KMT2B: variants seen among roughly 807,000 people sequenced by gnomAD.
KMT2B encodes lysine methyltransferase 2B.
In KMT2B, 22 loss-of-function variants were observed where a neutral mutation model predicts 255.3. The ratio of observed to expected loss-of-function variants is 0.09; its 90% CI spans 0.06 to 0.12. The LOEUF is 0.12. Ranked by LOEUF, KMT2B falls within the 10% of genes least tolerant of loss-of-function variation. The pLI is 1.00. For synonymous variants in KMT2B, 1,730 were observed against 1,498.1 expected, an observed-to-expected ratio of 1.15 and a Z score of -3.57; for missense variants, 3,149 against 3,737.0, an observed-to-expected ratio of 0.84 and a Z score of 4.10.
At chr19:35,719,679 G>T (rs1260070224) in intron 2 of KMT2B, 105 bp from the exon 3 acceptor site, 1 of 1,519,264 alleles carries the variant, frequency 6.6e-7, no homozygotes. Flanking sequence ...AGTCTGGGCA[G>T]CGGGGGAAAC....
chr19:35,730,262 A>C, intron 23 of KMT2B, 80 bp from the exon 24 acceptor site: 1 of 1,599,670 alleles, frequency 6.3e-7, no homozygotes, highest in South Asian at 1.1e-5. Context: ...CTTTAGGCCA[A>C]GCCCCTGACT....
At position 35,733,329 on chromosome 19, in the gene KMT2B, G is replaced by A. The variant is rs1183244997; in HGVS notation, c.6780G>A (p.Leu2260=). The change falls in exon 28 of 37, where the codon CTG becomes CTA. Residue 2260 remains leucine (L), a synonymous_variant. Coordinates refer to ENST00000420124, the MANE Select transcript of KMT2B (RefSeq NM_014727.3). This position sits in a 1 kb window ranked among gnomAD's most constrained non-coding sequence, Gnocchi z 4.3. ...CCCCGCCCCCGCCACCCCCTCCCCT[G>A]ACGCTGGTGCTGAGCAGTGGGCCAG... ...RPAPPPPPPP[L]TLVLSSGPAS... 1.2e-5 allele frequency: 16 copies of A among 1,302,008 alleles called. No homozygotes were observed. The highest frequency in any genetic ancestry group is 1.7e-5 in the Non-Finnish European group (16 of 960,112). 80.7% of individuals were successfully genotyped at this position (1,302,008 alleles called of 1,614,324 possible).
chr19:35,724,048 G>A (rs1378639684), intron 8 of KMT2B, 41 bp downstream of exon 8: 7 of 1,525,584 alleles, frequency 4.6e-6, no homozygotes. Flanking sequence ...TCATTTATTT[G>A]GTCTTGTGTC....
At position 35,727,510 on chromosome 19, in the gene KMT2B, C is replaced by A. The variant is rs368960815; in HGVS notation, c.4190C>A (p.Ala1397Glu). Reference sequence around the variant, plus strand: ...ACCTGCGGACCGTGTGCTGGGGCAGCGCAGCCCCGCTGGCGAGAGGCCCTG... The same window carrying A: ...ACCTGCGGACCGTGTGCTGGGGCAGAGCAGCCCCGCTGGCGAGAGGCCCTG... ...LYTCGPCAGA[A>E]QPRWREALSG... Residue 1397 changes from alanine to glutamate, a missense_variant, in exon 16 of 37, where the codon GCG becomes GAG. Physicochemically the swap from Ala to Glu is moderately radical, Grantham distance 107. Coordinates refer to ENST00000420124, the MANE Select transcript of KMT2B (RefSeq NM_014727.3). This position sits in a 1 kb window ranked among gnomAD's most constrained non-coding sequence, Gnocchi z 4.2. 2 of 1,611,014 alleles carry A rather than the reference C, an allele frequency of 1.2e-6. No homozygotes were observed. Among genetic ancestry groups the A allele is most frequent in the Non-Finnish European group, 1.7e-6 (2 of 1,179,790 alleles).
chr19:35,731,019 G>A (rs914502868), intron 26 of KMT2B, among the ~76,000 whole-genome samples, 152 bp downstream of exon 26: 10 of 152,250 alleles, frequency 6.6e-5, no homozygotes, highest in African/African-American at 2.4e-4. Context: ...GCCATGCCTT[G>A]TGTGCCAGGG....
chr19:35,724,006 T>C lies in KMT2B; in HGVS notation c.3333T>C (p.Asn1111=). 2 of 1,579,520 alleles carry C rather than the reference T, an allele frequency of 1.3e-6. No individual in the cohort carries two copies. Among genetic ancestry groups the C allele is most frequent in the South Asian group, 1.1e-5 (1 of 89,878 alleles). ...CTCGGCGTCGGACCCCCCGAGAAAA[T>C]GGTGCGAACTGCTTAATGCTTTCTC... ...PAPRRRTPRE[N]ELPLPEPEEQ... The change falls in exon 8 of 37, where the codon AAT becomes AAC. Residue 1111 remains asparagine (N), a splice_region_variant and synonymous_variant. Coordinates refer to ENST00000420124, the MANE Select transcript of KMT2B (RefSeq NM_014727.3).
Position 35,720,967 on chromosome 19 carries a change from C to G in KMT2B, c.1620C>G (p.Ile540Met). The G allele has an allele frequency of 6.2e-7, 1 of 1,612,396 alleles. No homozygotes were observed. The highest frequency in any genetic ancestry group is 8.5e-7 in the Non-Finnish European group (1 of 1,179,400). Residue 540 changes from isoleucine to methionine, a missense_variant, in exon 3 of 37, where the codon ATC (isoleucine) becomes ATG (methionine). Ile to Met is a conservative substitution (Grantham distance 10). This residue lies in a region of KMT2B where 1,188 missense variants were observed against 1,106.4 expected (regional missense o/e 1.07). Coordinates refer to ENST00000420124, the MANE Select transcript of KMT2B (RefSeq NM_014727.3). The part of the protein sequence containing the change: ...PVVSARSSRV[I>M]KTPRRFMDED... ...TGAGTGCCCGCTCCTCCCGTGTCAT[C>G]AAGACACCCCGGCGATTTATGGATG...
In KMT2B at chr19:35,733,327, C is replaced by G; in HGVS notation, c.6778C>G (p.Leu2260Val). Residue 2260 changes from leucine to valine, a missense_variant, in exon 28 of 37, where the codon CTG becomes GTG. By Grantham distance (32) the Leu-to-Val change is conservative (BLOSUM62 1). Transcript: ENST00000420124. This position sits in a 1 kb window ranked among gnomAD's most constrained non-coding sequence, Gnocchi z 4.3. ...TGCCCCGCCCCCGCCACCCCCTCCC[C>G]TGACGCTGGTGCTGAGCAGTGGGCC... is the stretch of plus-strand genomic sequence containing the variant. ...RPAPPPPPPP[L>V]TLVLSSGPAS... The G allele has an allele frequency of 1.3e-6, 2 of 1,537,636 alleles. No individual in the cohort carries two copies. The highest frequency in any genetic ancestry group is 1.8e-6 in the Non-Finnish European group (2 of 1,137,716).
intron 31 of KMT2B, 29 bp downstream of exon 31, chr19:35,736,856 GGA>G (rs776195219): frequency 1.2e-6 from 2 of 1,613,936 alleles, no homozygotes; most frequent in South Asian, 1.1e-5. Context: ...GTGGCAGGAG[GGA>G]GAGTGTCCAT....
rs1287228118 is a variant in KMT2B at position 35,719,394 on chromosome 19, C to T, written c.364-75C>T. 6 of 1,091,400 alleles carry T rather than the reference C, an allele frequency of 5.5e-6. No homozygotes were observed. The Admixed American group carries it at 1.1e-4, about 21-fold the overall frequency. The allele number at this position is 1,091,400 out of a possible 1,614,324, so 67.6% of individuals were successfully genotyped here. A position where few individuals can be genotyped will look rare whatever the true frequency, so the allele number is the denominator to read the frequency against. On this transcript the variant is annotated intron_variant, in intron 1 of 36. Coordinates refer to ENST00000420124, the MANE Select transcript of KMT2B (RefSeq NM_014727.3). The stretch of plus-strand genomic sequence containing the variant: ...TGCTAAGTGGGAACTGGGGATATTC[C>T]TCGATACCTCAGATGGAACGAGGGC...
At position 35,732,689 on chromosome 19, in the gene KMT2B, T is replaced by C; in HGVS notation, c.6140T>C (p.Leu2047Pro). The C allele has an allele frequency of 6.2e-7, 1 of 1,609,050 alleles. No individual in the cohort carries two copies. Residue 2047 changes from leucine (L) to proline (P), a missense_variant, in exon 28 of 37, where the codon CTG (leucine) becomes CCG (proline). By Grantham distance (98) the Leu-to-Pro change is moderately conservative. Coordinates refer to ENST00000420124, the MANE Select transcript of KMT2B (RefSeq NM_014727.3). ...FPVTVVSAPG[L>P]APSATPGAPR... ...GTGACTGTGGTGTCCGCCCCTGGTC[T>C]GGCCCCCAGCGCTACCCCTGGAGCC...
At chr19:35,724,477 C>T (rs1969350506) in intron 8 of KMT2B, among the ~76,000 whole-genome samples, 160 bp from the exon 9 acceptor site, 1 of 152,152 alleles carries the variant, frequency 6.6e-6, no homozygotes. Flanking sequence ...CCAGTCTGGG[C>T]AACAGAGCGA....
Position 35,729,112 on chromosome 19 carries a change from C to T in KMT2B, c.4779+36C>T, listed in dbSNP as rs1417360501. The T allele has an allele frequency of 3.7e-6, 6 of 1,613,838 alleles. No individual in the cohort carries two copies. The South Asian group carries it at 4.4e-5, about 12-fold the overall frequency. On this transcript the variant is annotated intron_variant, in intron 21 of 36. Coordinates refer to ENST00000420124, the MANE Select transcript of KMT2B (RefSeq NM_014727.3). ...CTCTGTGACGCACCAGGTTGTGGGG[C>T]CTGTTCCCTGGCCTCCCCACATCAT...
rs1969116775 is a variant in KMT2B at position 35,719,979 on chromosome 19, G to T, written c.632G>T (p.Cys211Phe). The change falls in exon 3 of 37, where the codon TGT becomes TTT. Residue 211 changes from cysteine (C) to phenylalanine (F), a missense_variant. Transcript: ENST00000420124. ...CCCCAAGCACCCCGGAGCCGGGCAT[G>T]TGAGCCCTCCACCCCCCGGCGGTCT... Reference protein sequence around the residue: ...QAPQAPRSRACEPSTPRRSRG... With the variant: ...QAPQAPRSRAFEPSTPRRSRG... 1 of 1,613,310 alleles carries T rather than the reference G, an allele frequency of 6.2e-7. No individual in the cohort carries two copies. The highest frequency in any genetic ancestry group is 1.7e-5 in the Admixed American group (1 of 60,002).
chr19:35,719,653 G>C, intron 2 of KMT2B, 112 bp downstream of exon 2: 1 of 1,514,702 alleles, frequency 6.6e-7, no homozygotes, highest in South Asian at 1.2e-5. Context: ...TGTGTTCTGT[G>C]TTCAGAGTCC....
rs748073369 is a variant in KMT2B, at chr19:35,720,650, C to T, written c.1303C>T (p.Pro435Ser). ...CCCACTCTGCCCTCCACCACCACCC[C>T]CAGTGTCCCCACCACCTCTACCATC... is the stretch of plus-strand genomic sequence containing the variant. Reference protein sequence around the residue: ...PPPLCPPPPPPVSPPPLPSPP... With the variant: ...PPPLCPPPPPSVSPPPLPSPP... Residue 435 changes from proline (P) to serine (S), a missense_variant, in exon 3 of 37, where the codon CCA (proline) becomes TCA (serine). Physicochemically the swap from Pro to Ser is moderately conservative, Grantham distance 74. Coordinates refer to ENST00000420124, the MANE Select transcript of KMT2B (RefSeq NM_014727.3). 6.8e-7 allele frequency: 1 copy of T among 1,474,038 alleles called. No individual in the cohort carries two copies. Among genetic ancestry groups the T allele is most frequent in the Admixed American group, 2.5e-5 (1 of 40,264 alleles). The allele number at this position is 1,474,038 out of a possible 1,614,324, so 91.3% of individuals were successfully genotyped here.
At chr19:35,719,741 A>G in intron 2 of KMT2B, 43 bp from the exon 3 acceptor site, 7 of 1,543,534 alleles carry the variant, frequency 4.5e-6, no homozygotes, top group Non-Finnish European at 6.1e-6. Flanking sequence ...CTCTGTGTGT[A>G]GGGCTGGCTT....
rs879164926 is a variant in KMT2B at position 35,733,232 on chromosome 19, C to A, written c.6683C>A (p.Ala2228Asp). 25 of 1,481,578 alleles carry A rather than the reference C, an allele frequency of 1.7e-5. No individual in the cohort carries two copies. In the South Asian group the frequency reaches 2.0e-4, roughly 12 times the overall value. 91.8% of individuals were successfully genotyped at this position (1,481,578 alleles called of 1,614,324 possible). The change falls in exon 28 of 37, where the codon GCT (alanine) becomes GAT (aspartate). Residue 2228 changes from alanine to aspartate, a missense_variant. Ala to Asp is a moderately radical substitution (Grantham distance 126, BLOSUM62 -2). Around this residue, in one of 18 missense-constraint regions of KMT2B, gnomAD observed 897 missense variants for 825.3 expected, o/e 1.09. Coordinates refer to ENST00000420124, the MANE Select transcript of KMT2B (RefSeq NM_014727.3). This position sits in a 1 kb window ranked among gnomAD's most constrained non-coding sequence, Gnocchi z 4.3. The part of the protein sequence containing the change: ...PPLPPTISPT[A>D]PTSWTLPPGP... Reference sequence around the variant, plus strand: ...TTGCCCCCCACCATTTCCCCCACGGCTCCCACCTCCTGGACTCTGCCCCCA... The same window carrying A: ...TTGCCCCCCACCATTTCCCCCACGGATCCCACCTCCTGGACTCTGCCCCCA...
Position 35,737,468 on chromosome 19 carries a change from GC to G in KMT2B, c.7551-165del. ...AGGCCGAGGCAGGAGGATCGCATGA[GC>G]CCAGGAGTTGGAGACCAGCGTAGGC... is the stretch of plus-strand genomic sequence containing the variant. On this transcript the variant is annotated intron_variant, in intron 33 of 36. Transcript: ENST00000420124. The surrounding 1 kb of genome is among the most constrained non-coding windows in gnomAD (Gnocchi z 5.3). 3 of 757,052 alleles carry G rather than the reference GC, an allele frequency of 4.0e-6. No individual in the cohort carries two copies. Among genetic ancestry groups the G allele is most frequent in the Non-Finnish European group, 6.2e-6 (3 of 482,034 alleles). The allele number at this position is 757,052 out of a possible 1,614,324, so 46.9% of individuals were successfully genotyped here.
Sources: allele counts gnomAD v4.1 joint callset (sites outside exome capture counted in the v4.1 genomes callset), GRCh38; gene constraint gnomAD v4.1.1; regional missense constraint gnomAD v4.1.1; non-coding constraint Gnocchi (gnomAD v3.1); transcripts MANE v1.5; gene names NCBI Gene and HGNC (gene_info 2026-07-23, HGNC 2026-07-21).